Variants in RMDN2 observed in about 807,000 individuals in gnomAD.
RMDN2 encodes the protein regulator of microtubule dynamics protein 2.
A neutral mutation model predicts 52.8 loss-of-function variants in RMDN2; 61 were observed. The observed-to-expected ratio is 1.16, with a 90% CI of 0.94 to 1.43. RMDN2 has a LOEUF of 1.43. RMDN2 is among the 40% of genes most tolerant of loss of function. RMDN2 has a pLI of 0.00. For missense variants in RMDN2, 592 were observed against 475.3 expected, an observed-to-expected ratio of 1.25 and a Z score of -2.28; for synonymous variants, 180 against 153.1, an observed-to-expected ratio of 1.18 and a Z score of -1.30.
chr2:37,978,739 C>T (rs911805103), intron 4 of RMDN2, among the ~76,000 whole-genome samples: 2 of 152,006 alleles, frequency 1.3e-5, no homozygotes, highest in Admixed American at 6.5e-5. Context: ...GATCTCACCA[C>T]TGCACTGCAG....
At chr2:38,051,721 C>G (rs1165969470) in intron 10 of RMDN2, among the ~76,000 whole-genome samples, 1 of 152,220 alleles carries the variant, frequency 6.6e-6, no homozygotes, top group Non-Finnish European at 1.5e-5. Context: ...CTCTCTCTCT[C>G]TACCTCTGTG....
At chr2:37,950,738 A>G in intron 2 of RMDN2, 4 of 814,980 alleles carry the variant, frequency 4.9e-6, no homozygotes. Context: ...TTCTCCCCAG[A>G]GAGATTGTGC....
intron 2 of RMDN2, among the ~76,000 whole-genome samples, chr2:37,948,667 G>A (rs1668430729): frequency 6.6e-6 from 1 of 152,152 alleles, no homozygotes; most frequent in Non-Finnish European, 1.5e-5. Flanking sequence ...TCTTCACCTA[G>A]AACGATATTA....
intron 10 of RMDN2, among the ~76,000 whole-genome samples, chr2:38,038,783 G>C (rs566147972): frequency 2.6e-5 from 4 of 152,244 alleles, no homozygotes; most frequent in Admixed American, 2.6e-4. Context: ...TCCGGCATTA[G>C]TAAGGGCAGA....
intron 4 of RMDN2, among the ~76,000 whole-genome samples, 160 bp downstream of exon 4, chr2:37,975,474 G>T (rs1263359535): frequency 6.6e-6 from 1 of 152,120 alleles, no homozygotes; most frequent in South Asian, 2.1e-4. Flanking sequence ...ACCAAACACT[G>T]CATGTTCTCA....
In RMDN2 at chr2:38,015,749, G is replaced by A. The variant is rs138629556; in HGVS notation, c.1180-1437G>A. 9.3e-4 allele frequency among the ~76,000 whole-genome samples: 142 copies of A among 152,286 alleles called. 1 individual carries two copies. The East Asian group carries it at 0.022, about 24-fold the overall frequency. ...TCTTAAAAACAAAGACAGAACTTCC[G>A]TGTAGAATATCTACAGGAAGGAGCG... On this transcript the variant is annotated intron_variant, in intron 10 of 10. Coordinates refer to ENST00000354545, the MANE Select transcript of RMDN2 (RefSeq NM_001170791.3).
At chr2:37,958,235 C>G (rs761351344) in intron 2 of RMDN2, among the ~76,000 whole-genome samples, 2 of 152,094 alleles carry the variant, frequency 1.3e-5, no homozygotes, top group Non-Finnish European at 2.9e-5. Context: ...TTATTTGGGG[C>G]AGTATGGCCA....
At chr2:38,008,711 G>A (rs1677482678) in intron 10 of RMDN2, among the ~76,000 whole-genome samples, 1 of 152,162 alleles carries the variant, frequency 6.6e-6, no homozygotes, top group Admixed American at 6.5e-5. Context: ...TACATTTAAA[G>A]TTAATATTGT....
At position 37,955,349 on chromosome 2, in the gene RMDN2, A is replaced by G. The variant is rs185509273; in HGVS notation, c.453-18691A>G. On this transcript the variant is annotated intron_variant, in intron 2 of 10. Transcript: ENST00000354545. ...GGACTTTTCATATATGGCCTTTAAT[A>G]TGTCGAAGCAGTTAATTTTTATTCC... 2.0e-5 allele frequency among the ~76,000 whole-genome samples: 3 copies of G among 152,238 alleles called. No homozygotes were observed. In the East Asian group the frequency reaches 5.8e-4, roughly 29 times the overall value.
At chr2:38,037,752 C>G (rs1425226860) in intron 10 of RMDN2, among the ~76,000 whole-genome samples, 1 of 152,238 alleles carries the variant, frequency 6.6e-6, no homozygotes, top group East Asian at 1.9e-4. Context: ...AGGAGACCTA[C>G]AAACTGCTTA....
chr2:37,977,341 AACG>A (rs1672618635), intron 4 of RMDN2, among the ~76,000 whole-genome samples: 1 of 152,158 alleles, frequency 6.6e-6, no homozygotes, highest in Non-Finnish European at 1.5e-5. Flanking sequence ...GCCCGTTCTC[AACG>A]AGCTGTTGGG....
chr2:38,061,770 A>C (rs185489692), intron 10 of RMDN2, among the ~76,000 whole-genome samples: 4 of 152,152 alleles, frequency 2.6e-5, no homozygotes, highest in African/African-American at 9.7e-5. Context: ...TTATTATATC[A>C]TCAGTGCCCC....
At chr2:37,980,145 A>G (rs1673111362) in intron 4 of RMDN2, among the ~76,000 whole-genome samples, 1 of 152,146 alleles carries the variant, frequency 6.6e-6, no homozygotes, top group Admixed American at 6.5e-5. Context: ...ATATCCTTGG[A>G]TAGTCTCTTC....
At chr2:37,920,999 A>G, upstream of RMDN2, among the ~76,000 whole-genome samples, 1 of 152,258 alleles carries the variant, frequency 6.6e-6, no homozygotes, top group Non-Finnish European at 1.5e-5. Flanking sequence ...TGGAACAAAA[A>G]CTTAATGTTT....
intron 1 of RMDN2, among the ~76,000 whole-genome samples, chr2:37,926,498 T>C (rs1319499940): frequency 1.3e-5 from 2 of 152,250 alleles, no homozygotes; most frequent in Admixed American, 6.5e-5. Flanking sequence ...TCCATTGTTA[T>C]TTACTAGCAC....
rs375475565 is a variant in RMDN2, at chr2:37,956,771, A to G, written c.453-17269A>G. Among the ~76,000 whole-genome samples, 41 of 152,088 alleles carry G rather than the reference A, an allele frequency of 2.7e-4. 1 individual carries two copies. In the East Asian group the frequency reaches 4.8e-3, roughly 18 times the overall value. ...TGCTGCACCCATCAACCCGTCATCT[A>G]TGTTAGGTATTTGTCCTAACGCTAC... On this transcript the variant is annotated intron_variant, in intron 2 of 10. Transcript: ENST00000354545.
intron 2 of RMDN2, among the ~76,000 whole-genome samples, chr2:37,941,646 C>T (rs903941782): frequency 3.3e-5 from 5 of 152,216 alleles, no homozygotes; most frequent in Non-Finnish European, 5.9e-5. Flanking sequence ...TGCAGTGCTG[C>T]GGTGGGCTCC....
At chr2:37,956,234 A>G (rs1669440443) in intron 2 of RMDN2, among the ~76,000 whole-genome samples, 2 of 152,164 alleles carry the variant, frequency 1.3e-5, no homozygotes, top group African/African-American at 2.4e-5. Flanking sequence ...TTTACTAGTT[A>G]TAGATCTATT....
At chr2:37,932,955 C>T (rs1464718042) in intron 2 of RMDN2, among the ~76,000 whole-genome samples, 4 of 151,010 alleles carry the variant, frequency 2.6e-5, no homozygotes, top group African/African-American at 7.3e-5. Flanking sequence ...GGCTGCCGGG[C>T]GGAGACGCTC....
Sources: allele counts gnomAD v4.1 joint callset (sites outside exome capture counted in the v4.1 genomes callset), GRCh38; gene constraint gnomAD v4.1.1; transcripts MANE v1.5; gene names NCBI Gene and HGNC (gene_info 2026-07-23, HGNC 2026-07-21).